HMCN1: variants seen among roughly 807,000 people sequenced by gnomAD.
HMCN1 encodes hemicentin-1.
Under a neutral mutation model 625.9 loss-of-function variants are expected in HMCN1, and 321 were observed. The observed-to-expected ratio is 0.51, with a 90% confidence interval of 0.47 to 0.56. The LOEUF is 0.56. Among genes scored for constraint, HMCN1 ranks in the 20% least tolerant of loss-of-function variants. The pLI, the probability that HMCN1 is intolerant of heterozygous loss-of-function variation, is 0.00. For synonymous variants in HMCN1, 2,425 were observed against 2,417.6 expected, an observed-to-expected ratio of 1.00 and a Z score of -0.09; for missense variants, 6,588 against 6,887.3, an observed-to-expected ratio of 0.96 and a Z score of 1.54.
chr1:185,838,908 C>T (rs1661326338), intron 1 of HMCN1, among the ~76,000 whole-genome samples: 1 of 152,170 alleles, frequency 6.6e-6, no homozygotes, highest in Non-Finnish European at 1.5e-5. Flanking sequence ...TTAGGGAATA[C>T]ACATATTATA....
At chr1:186,182,085 C>A in intron 104 of HMCN1, 83 bp from the exon 105 acceptor site, 1 of 1,507,992 alleles carries the variant, frequency 6.6e-7, no homozygotes, top group Non-Finnish European at 9.2e-7. Context: ...TAATGTATAT[C>A]AACAACTTGA....
Position 186,119,891 on chromosome 1 carries a change from C to T in HMCN1, c.12094+9C>T. 2 of 1,614,034 alleles carry T rather than the reference C, an allele frequency of 1.2e-6. No individual in the cohort carries two copies. The highest frequency in any genetic ancestry group is 1.7e-6 in the Non-Finnish European group (2 of 1,179,932). Reference sequence around the variant, plus strand: ...CAATGTTAACACTTCAGGTACCTACCACTGTTTTTCTATCAAGAAAATCAT... The same window carrying T: ...CAATGTTAACACTTCAGGTACCTACTACTGTTTTTCTATCAAGAAAATCAT... On this transcript the variant is annotated intron_variant, in intron 79 of 106. Transcript: ENST00000271588.
intron 1 of HMCN1, among the ~76,000 whole-genome samples, chr1:185,825,003 C>T (rs775016243): frequency 2.2e-4 from 34 of 152,024 alleles, no homozygotes; most frequent in Non-Finnish European, 7.4e-5. Context: ...GGCTGATGTA[C>T]TCCTTAAGGA....
chr1:186,012,358 C>T lies in HMCN1; in HGVS notation c.4631-2801C>T, dbSNP rs530550155. On this transcript the variant is annotated intron_variant, in intron 30 of 106. Transcript: ENST00000271588. Reference sequence around the variant, plus strand: ...AAAATATTTTTGACTGTAGTTGTTTCACAGACGGCTCTAAGAGGCTAATCC... The same window carrying T: ...AAAATATTTTTGACTGTAGTTGTTTTACAGACGGCTCTAAGAGGCTAATCC... 8.6e-5 allele frequency among the ~76,000 whole-genome samples: 13 copies of T among 151,378 alleles called. No individual in the cohort carries two copies. In the East Asian group the frequency reaches 2.3e-3, roughly 27 times the overall value.
chr1:186,182,225 G>A lies in HMCN1; in HGVS notation c.16352G>A (p.Gly5451Glu). 6.2e-7 allele frequency: 1 copy of A among 1,613,460 alleles called. No homozygotes were observed. Among genetic ancestry groups the A allele is most frequent in the Non-Finnish European group, 8.5e-7 (1 of 1,179,494 alleles). Residue 5451 changes from glycine (G) to glutamate (E), a missense_variant, in exon 105 of 107, where the codon GGA (glycine) becomes GAA (glutamate). Physicochemically the swap from Gly to Glu is moderately conservative, Grantham distance 98. This residue lies in a region of HMCN1 where 1,954 missense variants were observed against 2,013.1 expected (regional missense o/e 0.97). Transcript: ENST00000271588. ...CAGCATGAGTGTAAGAATACCTTTG[G>A]AAGTTATCAGTGCATCTGCCCACCT... ...ACQHECKNTF[G>E]SYQCICPPGY...
At chr1:186,039,677 A>G (rs957470316) in intron 38 of HMCN1, 51 bp from the exon 39 acceptor site, 2 of 1,579,464 alleles carry the variant, frequency 1.3e-6, no homozygotes, top group Admixed American at 3.3e-5. Flanking sequence ...ATCATTTGAG[A>G]TCACAAATCC....
intron 1 of HMCN1, among the ~76,000 whole-genome samples, chr1:185,829,520 A>G (rs78159657): frequency 1.3e-5 from 2 of 151,964 alleles, no homozygotes; most frequent in African/African-American, 4.8e-5. Flanking sequence ...TTGGTTTTCT[A>G]TTCCTGTGTT....
At chr1:185,807,057 G>A (rs755429118) in intron 1 of HMCN1, among the ~76,000 whole-genome samples, 32 of 151,972 alleles carry the variant, frequency 2.1e-4, no homozygotes, top group Middle Eastern at 6.8e-3. Flanking sequence ...TTAGTAAAAG[G>A]GATAATGTTT....
At chr1:185,865,582 T>TACACACACACACAC (rs56891910) in intron 3 of HMCN1, among the ~76,000 whole-genome samples, 159 bp from the exon 4 acceptor site, 5 of 135,196 alleles carry the variant, frequency 3.7e-5, no homozygotes, top group African/African-American at 8.1e-5. Flanking sequence ...TATATAAGCA[T>TACACACACACACAC]ACACACACAC....
At chr1:185,842,488 T>C (rs1399093331) in intron 1 of HMCN1, among the ~76,000 whole-genome samples, 2 of 151,754 alleles carry the variant, frequency 1.3e-5, no homozygotes, top group East Asian at 3.9e-4. Flanking sequence ...GCTTGAGCAT[T>C]GGGAGGTCGA....
intron 82 of HMCN1, 36 bp from the exon 83 acceptor site, chr1:186,128,041 AT>A: frequency 6.4e-7 from 1 of 1,563,024 alleles, no homozygotes; most frequent in Non-Finnish European, 8.8e-7. Context: ...ATGATGGATG[AT>A]TATGAAATTT....
rs1187160192 is a variant in HMCN1, at chr1:185,933,797, G to A, written c.1801G>A (p.Ala601Thr). Residue 601 changes from alanine (A) to threonine (T), a missense_variant, in exon 11 of 107, where the codon GCC (alanine) becomes ACC (threonine). Physicochemically the swap from Ala to Thr is moderately conservative, Grantham distance 58 (BLOSUM62 0). Transcript: ENST00000271588. ...CMVSSEGGSS[A>T]ASVFLTVQEP... is the part of the protein sequence containing the mutation. Reference sequence around the variant, plus strand: ...GGTTTCTAGTGAAGGTGGATCATCAGCCGCTTCAGTTTTCCTCACAGTGCA... The same window carrying A: ...GGTTTCTAGTGAAGGTGGATCATCAACCGCTTCAGTTTTCCTCACAGTGCA... 6.2e-7 allele frequency: 1 copy of A among 1,613,780 alleles called. No individual in the cohort carries two copies. Among genetic ancestry groups the A allele is most frequent in the East Asian group, 2.2e-5 (1 of 44,890 alleles).
At chr1:186,026,549 A>T (rs551489003) in intron 36 of HMCN1, among the ~76,000 whole-genome samples, 1 of 152,288 alleles carries the variant, frequency 6.6e-6, no homozygotes, top group African/African-American at 2.4e-5. Context: ...TGCAAAACCC[A>T]TGGGGAAGCA....
intron 21 of HMCN1, 124 bp downstream of exon 21, chr1:185,989,771 T>A: frequency 4.0e-6 from 3 of 749,552 alleles, no homozygotes; most frequent in Non-Finnish European, 6.1e-6. Context: ...CCCAGATTTC[T>A]ATTTTTTTTT....
At chr1:186,183,458 C>T (rs1476860159) in intron 105 of HMCN1, among the ~76,000 whole-genome samples, 1 of 152,158 alleles carries the variant, frequency 6.6e-6, no homozygotes, top group East Asian at 1.9e-4. Flanking sequence ...ATAACTTTCG[C>T]TTTGGGCCAT....
At chr1:185,960,124 CTTTTTTT>C (rs1167408279) in intron 11 of HMCN1, among the ~76,000 whole-genome samples, 3 of 108,924 alleles carry the variant, frequency 2.8e-5, no homozygotes, top group African/African-American at 7.4e-5. Flanking sequence ...CAGGAATATT[CTTTTTTT>C]TTTTTTTTTT....
intron 11 of HMCN1, among the ~76,000 whole-genome samples, chr1:185,934,493 A>G (rs1226652089): frequency 6.6e-6 from 1 of 152,192 alleles, no homozygotes; most frequent in Non-Finnish European, 1.5e-5. Context: ...CTAAATATAT[A>G]TTGTTCAGGA....
At chr1:186,055,068 A>G (rs1234435515) in intron 44 of HMCN1, among the ~76,000 whole-genome samples, 1 of 152,008 alleles carries the variant, frequency 6.6e-6, no homozygotes, top group African/African-American at 2.4e-5. Context: ...TATTTTAAAT[A>G]AGTATTAGGA....
chr1:185,909,557 T>G (rs1304971988), intron 5 of HMCN1, 49 bp downstream of exon 5: 2 of 1,493,416 alleles, frequency 1.3e-6, no homozygotes, highest in African/African-American at 2.8e-5. Flanking sequence ...ACATAGAGGG[T>G]AAAATACTTT....
Sources: allele counts gnomAD v4.1 joint callset (sites outside exome capture counted in the v4.1 genomes callset), GRCh38; gene constraint gnomAD v4.1.1; regional missense constraint gnomAD v4.1.1; transcripts MANE v1.5; gene names NCBI Gene and HGNC (gene_info 2026-07-23, HGNC 2026-07-21).